Variants in AGAP9 observed in about 807,000 individuals in gnomAD.
AGAP9 encodes the protein ArfGAP with GTPase domain, ankyrin repeat and PH domain 9, also known as arf-GAP with GTPase, ANK repeat and PH domain-containing protein 9.
A neutral mutation model predicts 55.6 loss-of-function variants in AGAP9; 23 were observed. The observed-to-expected ratio is 0.41, with a 90% CI of 0.30 to 0.59. The LOEUF (loss-of-function observed/expected upper bound fraction) is 0.59, where lower values mean the gene tolerates loss of function less well. Ranked by LOEUF, AGAP9 falls within the 20% of genes least tolerant of loss-of-function variation. AGAP9 has a pLI of 0.25. For missense variants in AGAP9, 309 were observed against 808.1 expected (o/e 0.38, Z 7.49); for synonymous variants, 120 against 305.0 (o/e 0.39, Z 6.32).
intron 4 of AGAP9, among the ~76,000 whole-genome samples, chr10:47,513,486 C>T (rs1395918293): frequency 0.035 from 4,959 of 141,814 alleles, 771 homozygotes; most frequent in African/African-American, 0.12. Context: ...AAATTCAATG[C>T]AACTCCCATC....
At position 47,510,829 on chromosome 10, in the gene AGAP9, CA is replaced by C. The variant is rs1180008752; in HGVS notation, c.397-559del. ...CGGGAGACAAAGTGAGACTCCGTCT[CA>C]AAAAAAAAAAAAAAAAAAGAAAGAA... On this transcript the variant is annotated intron_variant, in intron 4 of 7. Transcript: ENST00000452145. 1.1e-3 allele frequency among the ~76,000 whole-genome samples: 29 copies of C among 27,298 alleles called. No homozygotes were observed. The East Asian group carries it at 0.022, about 21-fold the overall frequency. The allele number at this position is 27,298 out of a possible 152,430, so 17.9% of individuals were successfully genotyped here. A position where few individuals can be genotyped will look rare whatever the true frequency, so the allele number is the denominator to read the frequency against.
intron 4 of AGAP9, among the ~76,000 whole-genome samples, chr10:47,515,748 G>T (rs1840704680): frequency 1.4e-5 from 2 of 139,814 alleles, no homozygotes; most frequent in Admixed American, 1.5e-4. Flanking sequence ...GCAGAAAATT[G>T]GGAGATCCTT....
intron 6 of AGAP9, among the ~76,000 whole-genome samples, chr10:47,504,813 C>CCCTTCCA (rs1295072508): frequency 2.1e-5 from 3 of 142,116 alleles, no homozygotes; most frequent in African/African-American, 7.8e-5. Context: ...TCCCGAAGAC[C>CCCTTCCA]CCTTCCAGAA....
At chr10:47,510,003 C>A (rs1277022874) in intron 5 of AGAP9, among the ~76,000 whole-genome samples, 168 bp downstream of exon 5, 3 of 142,226 alleles carry the variant, frequency 2.1e-5, no homozygotes, top group Non-Finnish European at 4.6e-5. Flanking sequence ...TTTCCTTCCA[C>A]CACGACGTCT....
intron 5 of AGAP9, among the ~76,000 whole-genome samples, chr10:47,509,132 C>A (rs1187288155): frequency 7.7e-6 from 1 of 129,998 alleles, no homozygotes; most frequent in Non-Finnish European, 1.5e-5. Flanking sequence ...GAAAAAAGCA[C>A]AAAATTAGTT....
In AGAP9 at chr10:47,510,749, G is replaced by A. The variant is rs1254472125; in HGVS notation, c.397-478C>T. Among the ~76,000 whole-genome samples, 7 of 110,540 alleles carry A rather than the reference G, an allele frequency of 6.3e-5. No individual in the cohort carries two copies. In the South Asian group the frequency reaches 1.1e-3, roughly 18 times the overall value. 72.5% of individuals were successfully genotyped at this position (110,540 alleles called of 152,430 possible). On this transcript the variant is annotated intron_variant, in intron 4 of 7. Transcript: ENST00000452145. ...AGAGGCTGAAACAGGAGAATGGGGCGAACCCAGGAGGCAGAGCTTGCAGTG... is the reference window on the plus strand; with the variant it reads ...AGAGGCTGAAACAGGAGAATGGGGCAAACCCAGGAGGCAGAGCTTGCAGTG...
Position 47,511,324 on chromosome 10 carries a change from G to A in AGAP9, c.397-1053C>T, listed in dbSNP as rs1555225436. Among the ~76,000 whole-genome samples, 2 of 142,462 alleles carry A rather than the reference G, an allele frequency of 1.4e-5. 1 individual carries two copies. The highest frequency in any genetic ancestry group is 5.6e-4 in the East Asian group (2 of 3,556). The allele number at this position is 142,462 out of a possible 152,430, so 93.5% of individuals were successfully genotyped here. On this transcript the variant is annotated intron_variant, in intron 4 of 7. Coordinates refer to ENST00000452145, the MANE Select transcript of AGAP9 (RefSeq NM_001190810.1). ...GAGCACTTTATTGCAGTGAATACAA[G>A]ACTAATGCATTTACTAAATTACTAA...
At chr10:47,508,043 C>T (rs1203386966) in intron 5 of AGAP9, among the ~76,000 whole-genome samples, 3 of 132,006 alleles carry the variant, frequency 2.3e-5, no homozygotes, top group Non-Finnish European at 3.2e-5. Flanking sequence ...TACAAGTTTG[C>T]GCCACTATGC....
chr10:47,514,105 G>A (rs1369290712), intron 4 of AGAP9, among the ~76,000 whole-genome samples: 2 of 140,938 alleles, frequency 1.4e-5, no homozygotes, highest in Non-Finnish European at 3.1e-5. Context: ...AGAGTGGGAG[G>A]AAATCTTCGC....
At chr10:47,515,719 G>A (rs1470435188) in intron 4 of AGAP9, among the ~76,000 whole-genome samples, 1 of 140,760 alleles carries the variant, frequency 7.1e-6, no homozygotes, top group African/African-American at 2.6e-5. Flanking sequence ...TCCTTTCCAG[G>A]CCTGCTTTTA....
chr10:47,517,192 A>ATAG (rs1840733901), intron 4 of AGAP9, among the ~76,000 whole-genome samples: 1 of 97,550 alleles, frequency 1.0e-5, no homozygotes, highest in Admixed American at 1.1e-4. Context: ...TAGAAAGTCA[A>ATAG]TAGACAGTGC....
rs1274341133 is a variant in AGAP9 at position 47,502,558 on chromosome 10, C to G, written c.1571G>C (p.Trp524Ser). Residue 524 changes from tryptophan (W) to serine (S), a missense_variant, in exon 8 of 8, where the codon TGG becomes TCG. Physicochemically the swap from Trp to Ser is radical, Grantham distance 177 (BLOSUM62 -3). Coordinates refer to ENST00000452145, the MANE Select transcript of AGAP9 (RefSeq NM_001190810.1). ...SRVRSLELDD[W>S]PVELRKVMSS... is the part of the protein sequence containing the mutation. Reference sequence around the variant, plus strand: ...CATAACCTTCCTGAGCTCAACTGGCCAGTCATCCAGCTCCAGAGATCGCAC... The same window carrying G: ...CATAACCTTCCTGAGCTCAACTGGCGAGTCATCCAGCTCCAGAGATCGCAC... 6.2e-7 allele frequency: 1 copy of G among 1,611,682 alleles called. No individual in the cohort carries two copies. Among genetic ancestry groups the G allele is most frequent in the Non-Finnish European group, 8.5e-7 (1 of 1,179,668 alleles).
chr10:47,515,935 A>G (rs3902300), intron 4 of AGAP9, among the ~76,000 whole-genome samples: 5 of 124,828 alleles, frequency 4.0e-5, no homozygotes, highest in African/African-American at 1.5e-4. Context: ...AGCCTCCAAG[A>G]AAAGAGATCA....
At chr10:47,513,086 A>G (rs1840659729) in intron 4 of AGAP9, among the ~76,000 whole-genome samples, 1 of 143,646 alleles carries the variant, frequency 7.0e-6, no homozygotes, top group Non-Finnish European at 1.5e-5. Context: ...AGGCTGGAGT[A>G]TGCAATGCGG....
chr10:47,502,473 T>A lies in AGAP9; in HGVS notation c.1656A>T (p.Thr552=), dbSNP rs1224806049. The part of the protein sequence containing the change: ...SIWEGSSQGQ[T]KPSIKSTREE... Reference sequence around the variant, plus strand: ...CCCTCGTGGACTTTATTGAGGGTTTTGTCTGCCCCTGGCTGCTCCCTTCCC... The same window carrying A: ...CCCTCGTGGACTTTATTGAGGGTTTAGTCTGCCCCTGGCTGCTCCCTTCCC... The change falls in exon 8 of 8, where the codon ACA becomes ACT. Residue 552 remains threonine (T), a synonymous_variant. Transcript: ENST00000452145. 5 of 1,612,880 alleles carry A rather than the reference T, an allele frequency of 3.1e-6. No homozygotes were observed. Among genetic ancestry groups the A allele is most frequent in the Non-Finnish European group, 3.4e-6 (4 of 1,179,962 alleles).
rs1431774134 is a variant in AGAP9, at chr10:47,502,090, G to C, written c.*62C>G. 6 of 1,567,820 alleles carry C rather than the reference G, an allele frequency of 3.8e-6. 1 individual carries two copies. In the African/African-American group the frequency reaches 8.5e-5, roughly 22 times the overall value. ...AAAACAGATACTACACGCACTCGTC[G>C]GGGCAGCCGTACTGCAGAAGCACGT... is the stretch of plus-strand genomic sequence containing the variant. On this transcript the variant is annotated 3_prime_UTR_variant, in exon 8 of 8. Transcript: ENST00000452145.
chr10:47,505,517 T>TTTTAAA (rs1840458411), intron 6 of AGAP9, among the ~76,000 whole-genome samples: 1 of 138,718 alleles, frequency 7.2e-6, no homozygotes, highest in Non-Finnish European at 1.6e-5. Flanking sequence ...AAAGAATCCG[T>TTTTAAA]GATTTAACTG....
chr10:47,521,500 T>A (rs1331275831), intron 2 of AGAP9, among the ~76,000 whole-genome samples: 3 of 140,388 alleles, frequency 2.1e-5, no homozygotes, highest in African/African-American at 8.0e-5. Context: ...CAACCAAAGT[T>A]TAAATAGAAG....
At position 47,502,757 on chromosome 10, in the gene AGAP9, G is replaced by T; in HGVS notation, c.1372C>A (p.Leu458Met). 6.3e-7 allele frequency: 1 copy of T among 1,590,362 alleles called. No homozygotes were observed. The highest frequency in any genetic ancestry group is 1.1e-5 in the South Asian group (1 of 90,348). ...GCCATGGCCTCACTCTGGCTGGTCAGCTGGGACTTGCTTTTACTGCTCTTG... is the reference window on the plus strand; with the variant it reads ...GCCATGGCCTCACTCTGGCTGGTCATCTGGGACTTGCTTTTACTGCTCTTG... ...SCKSSKSKSQ[L>M]TSQSEAMALQ... Residue 458 changes from leucine (L) to methionine (M), a missense_variant, in exon 8 of 8, where the codon CTG becomes ATG. Leu to Met is a conservative substitution (Grantham distance 15). Coordinates refer to ENST00000452145, the MANE Select transcript of AGAP9 (RefSeq NM_001190810.1).
Sources: gnomAD v4.1 joint callset for allele counts (sites outside exome capture counted in the v4.1 genomes callset) on GRCh38, gnomAD v4.1.1 for gene constraint, MANE v1.5 for transcripts, NCBI Gene and HGNC (gene_info 2026-07-23, HGNC 2026-07-21) for gene names.